Variants in SHISA9 observed in about 807,000 individuals in gnomAD.
The protein encoded by SHISA9 is protein shisa-9.
Under a neutral mutation model 38.0 loss-of-function variants are expected in SHISA9, and 13 were observed. That is an observed-to-expected ratio of 0.34 (90% CI 0.22 to 0.54). The LOEUF (loss-of-function observed/expected upper bound fraction) is 0.54, where lower values mean the gene tolerates loss of function less well. Among genes scored for constraint, SHISA9 ranks in the 20% least tolerant of loss-of-function variants. The pLI, the probability that SHISA9 is intolerant of heterozygous loss-of-function variation, is 0.91. For missense variants in SHISA9, 538 were observed against 575.8 expected, an observed-to-expected ratio of 0.93 and a Z score of 0.67; for synonymous variants, 275 against 242.0, an observed-to-expected ratio of 1.14 and a Z score of -1.27.
chr16:13,142,800 A>G (rs2050412822), intron 2 of SHISA9, among the ~76,000 whole-genome samples: 1 of 152,148 alleles, frequency 6.6e-6, no homozygotes, highest in South Asian at 2.1e-4. Context: ...CTGAAAGCAC[A>G]TTAGCACACT....
At chr16:13,386,086 C>G in the SHISA9 span, among the ~76,000 whole-genome samples, 5 of 152,076 alleles carry the variant, frequency 3.3e-5, no homozygotes, top group African/African-American at 1.2e-4. Flanking sequence ...ATATATGAAC[C>G]TACACATAAT....
chr16:13,032,596 A>G (rs1596599096), intron 2 of SHISA9, among the ~76,000 whole-genome samples: 1 of 152,346 alleles, frequency 6.6e-6, no homozygotes, highest in East Asian at 1.9e-4. Flanking sequence ...ATGTTGTACT[A>G]TAGCAGCAGA....
chr16:13,117,404 G>T (rs1234023092), intron 2 of SHISA9, among the ~76,000 whole-genome samples: 2 of 152,178 alleles, frequency 1.3e-5, no homozygotes, highest in Non-Finnish European at 2.9e-5. Context: ...GGGCCGAATG[G>T]TGACCTTCCA....
At chr16:13,355,457 TG>T in the SHISA9 span, among the ~76,000 whole-genome samples, 2 of 151,732 alleles carry the variant, frequency 1.3e-5, no homozygotes, top group African/African-American at 4.8e-5. Context: ...GGCTTTGGAT[TG>T]GGAAGAAGGG....
chr16:12,957,021 C>A (rs2071844896), intron 2 of SHISA9, among the ~76,000 whole-genome samples: 1 of 152,120 alleles, frequency 6.6e-6, no homozygotes, highest in African/African-American at 2.4e-5. Context: ...AACCTTTACT[C>A]TTATCACCTA....
the SHISA9 span, among the ~76,000 whole-genome samples, chr16:13,550,857 C>T: frequency 6.6e-6 from 1 of 151,928 alleles, no homozygotes; most frequent in Non-Finnish European, 1.5e-5. Flanking sequence ...GGTGCAGTGG[C>T]TCACACTTGT....
At chr16:13,170,164 T>C (rs763240903) in intron 2 of SHISA9, among the ~76,000 whole-genome samples, 11 of 146,560 alleles carry the variant, frequency 7.5e-5, no homozygotes, top group African/African-American at 1.5e-4. Flanking sequence ...GATCGTGCCA[T>C]TGCACTCCAG....
chr16:13,284,313 C>T, the SHISA9 span, among the ~76,000 whole-genome samples: 1 of 152,158 alleles, frequency 6.6e-6, no homozygotes, highest in Admixed American at 6.5e-5. Context: ...CATATTTTGT[C>T]TACTTTTATA....
the SHISA9 span, among the ~76,000 whole-genome samples, chr16:13,418,042 A>G: frequency 1.3e-5 from 2 of 151,962 alleles, no homozygotes; most frequent in African/African-American, 4.8e-5. Flanking sequence ...TTCCTTTATT[A>G]CTTCCTTTGC....
intron 2 of SHISA9, among the ~76,000 whole-genome samples, chr16:12,964,667 G>C (rs2071955153): frequency 6.6e-6 from 1 of 152,146 alleles, no homozygotes; most frequent in Non-Finnish European, 1.5e-5. Context: ...GAATTCACCA[G>C]ATTGCCAAGA....
chr16:13,551,737 AC>A, the SHISA9 span, among the ~76,000 whole-genome samples: 1 of 152,188 alleles, frequency 6.6e-6, no homozygotes, highest in Non-Finnish European at 1.5e-5. Flanking sequence ...AAAAAAAAGT[AC>A]AATTGGTAGG....
At chr16:13,479,912 T>G in the SHISA9 span, among the ~76,000 whole-genome samples, 1 of 152,252 alleles carries the variant, frequency 6.6e-6, no homozygotes, top group Non-Finnish European at 1.5e-5. Context: ...GAAGATAGAA[T>G]AGCGTCTGTT....
chr16:13,015,894 C>CTTTCTTTCTTTCTTTCTTTCTTTCTT (rs1555454833), intron 2 of SHISA9, among the ~76,000 whole-genome samples: 1 of 126,312 alleles, frequency 7.9e-6, no homozygotes, highest in African/African-American at 3.3e-5. Context: ...TTCTTTCTTT[C>CTTTCTTTCTTTCTTTCTTTCTTTCTT]TTTCTTTCTT....
At chr16:12,957,927 G>T (rs2071857986) in intron 2 of SHISA9, among the ~76,000 whole-genome samples, 1 of 152,154 alleles carries the variant, frequency 6.6e-6, no homozygotes, top group Non-Finnish European at 1.5e-5. Context: ...CAGCAAGGGG[G>T]CTCGACTTTC....
At chr16:13,243,252 AAG>A (rs1175572630), downstream of SHISA9, among the ~76,000 whole-genome samples, 116 of 120,604 alleles carry the variant, frequency 9.6e-4, no homozygotes, top group African/African-American at 2.7e-3. Flanking sequence ...AAAAAAAAAA[AAG>A]AAAGAAAGTT....
the SHISA9 span, among the ~76,000 whole-genome samples, chr16:13,398,755 A>G: frequency 6.6e-6 from 1 of 152,042 alleles, no homozygotes; most frequent in East Asian, 1.9e-4. Flanking sequence ...CAGGTGATCC[A>G]CACGCCTTTG....
Position 12,986,734 on chromosome 16 carries a change from C to G in SHISA9, c.691+69919C>G, listed in dbSNP as rs546787361. Among the ~76,000 whole-genome samples the G allele has an allele frequency of 9.1e-4, 139 of 152,198 alleles. 2 individuals carry two copies. Among genetic ancestry groups the G allele is most frequent in the Non-Finnish European group, 9.1e-4 (62 of 68,040 alleles). On this transcript the variant is annotated intron_variant, in intron 2 of 4. Transcript: ENST00000558583. Reference sequence around the variant, plus strand: ...AACACTAACTGTACCAGCCATGGTTCTGAGGGTTTTCTCTTATTTAGTCCT... The same window carrying G: ...AACACTAACTGTACCAGCCATGGTTGTGAGGGTTTTCTCTTATTTAGTCCT...
chr16:13,409,545 G>C, the SHISA9 span, among the ~76,000 whole-genome samples: 5 of 152,306 alleles, frequency 3.3e-5, no homozygotes, highest in African/African-American at 9.6e-5. Flanking sequence ...CCACGCCCCT[G>C]TCACACATCC....
At chr16:13,225,794 A>G (rs1007178397) in intron 4 of SHISA9, among the ~76,000 whole-genome samples, 2 of 152,312 alleles carry the variant, frequency 1.3e-5, no homozygotes, top group Admixed American at 6.5e-5. Flanking sequence ...CCGCACCTGT[A>G]CAAGTGTCTG....
Sources: gnomAD v4.1 joint callset for allele counts (sites outside exome capture counted in the v4.1 genomes callset) on GRCh38, gnomAD v4.1.1 for gene constraint, MANE v1.5 for transcripts, NCBI Gene and HGNC (gene_info 2026-07-23, HGNC 2026-07-21) for gene names.